PAN3: variants seen among roughly 807,000 people sequenced by gnomAD.
PAN3 encodes the protein PAN2-PAN3 deadenylation complex subunit PAN3.
A neutral mutation model predicts 96.2 loss-of-function variants in PAN3; 19 were observed. The observed-to-expected ratio is 0.20, with a 90% confidence interval of 0.14 to 0.29. PAN3 has a LOEUF of 0.29. Among genes scored for constraint, PAN3 ranks in the 10% least tolerant of loss-of-function variants. PAN3 has a pLI of 1.00. For synonymous variants in PAN3, 433 were observed against 406.6 expected, an observed-to-expected ratio of 1.06 and a Z score of -0.78; for missense variants, 882 against 1,108.1, an observed-to-expected ratio of 0.80 and a Z score of 2.90.
chr13:28,183,189 A>G (rs985014387), intron 4 of PAN3, among the ~76,000 whole-genome samples: 17 of 152,224 alleles, frequency 1.1e-4, no homozygotes, highest in African/African-American at 4.1e-4. Context: ...TGGAGAAGAC[A>G]TTGAAAAATA....
At chr13:28,230,787 T>TTGAG (rs10645704) in intron 6 of PAN3, among the ~76,000 whole-genome samples, 59,491 of 151,718 alleles carry the variant, frequency 0.39, 13,188 homozygotes, top group African/African-American at 0.62. Flanking sequence ...ACTCTTGTCT[T>TTGAG]TAAGTTTCTT....
At chr13:28,179,530 C>G (rs1875487345) in intron 4 of PAN3, among the ~76,000 whole-genome samples, 1 of 152,024 alleles carries the variant, frequency 6.6e-6, no homozygotes, top group Non-Finnish European at 1.5e-5. Context: ...GTATGTATAA[C>G]ATACCAAGAC....
chr13:28,243,571 A>G (rs188474119), intron 6 of PAN3, among the ~76,000 whole-genome samples: 116 of 152,316 alleles, frequency 7.6e-4, no homozygotes, highest in African/African-American at 2.6e-3. Context: ...GGCAGTGTTT[A>G]TATTCCACAC....
intron 1 of PAN3, among the ~76,000 whole-genome samples, chr13:28,155,735 A>G (rs537657095): frequency 6.6e-6 from 1 of 152,338 alleles, no homozygotes; most frequent in East Asian, 1.9e-4. Context: ...ACACACACAT[A>G]TACATAAAAT....
chr13:28,140,726 T>C (rs967850602), intron 1 of PAN3, among the ~76,000 whole-genome samples: 2 of 152,078 alleles, frequency 1.3e-5, no homozygotes, highest in African/African-American at 4.8e-5. Flanking sequence ...CTCTTCTTTC[T>C]TTTTCTTTTA....
rs554526780 is a variant in PAN3 at position 28,151,953 on chromosome 13, A to G, written c.430+12866A>G. Among the ~76,000 whole-genome samples the G allele has an allele frequency of 1.4e-4, 21 of 152,330 alleles. 1 individual carries two copies. The South Asian group carries it at 3.9e-3, about 29-fold the overall frequency. ...ATGATAAACTTCAAGTCTTCAGTGT[A>G]TACTTGGCATTTAAAATCATGGAAC... On this transcript the variant is annotated intron_variant, in intron 1 of 18. Coordinates refer to ENST00000380958, the MANE Select transcript of PAN3 (RefSeq NM_175854.8).
chr13:28,280,665 G>C, intron 16 of PAN3, 124 bp downstream of exon 16: 1 of 855,370 alleles, frequency 1.2e-6, no homozygotes, highest in Non-Finnish European at 1.7e-6. Context: ...GGGTTCAAGC[G>C]AGTCTCCTGC....
chr13:28,280,563 T>TTA, intron 16 of PAN3, 22 bp downstream of exon 16: 1 of 1,542,294 alleles, frequency 6.5e-7, no homozygotes, highest in Non-Finnish European at 8.7e-7. Context: ...AAATTTTTTT[T>TTA]TTTTTTTTTT....
intron 6 of PAN3, among the ~76,000 whole-genome samples, chr13:28,254,416 T>C (rs17534105): frequency 0.056 from 8,503 of 152,292 alleles, 307 homozygotes; most frequent in South Asian, 0.15. Flanking sequence ...ATTGTAGTTC[T>C]GTTGTATTAC....
At chr13:28,274,659 AT>A (rs1886916378) in intron 14 of PAN3, among the ~76,000 whole-genome samples, 1 of 152,160 alleles carries the variant, frequency 6.6e-6, no homozygotes, top group South Asian at 2.1e-4. Flanking sequence ...CCTTATTAAT[AT>A]TTGTAAGTCA....
At chr13:28,146,461 T>C (rs995824456) in intron 1 of PAN3, among the ~76,000 whole-genome samples, 3 of 151,992 alleles carry the variant, frequency 2.0e-5, no homozygotes, top group Non-Finnish European at 4.4e-5. Flanking sequence ...TCTCAGACTT[T>C]CAGAGGTTGG....
chr13:28,223,018 T>G (rs1389218995), intron 6 of PAN3, among the ~76,000 whole-genome samples: 1 of 152,204 alleles, frequency 6.6e-6, no homozygotes, highest in African/African-American at 2.4e-5. Flanking sequence ...TGTCCCAATA[T>G]TTGAGCAAAG....
chr13:28,204,267 A>G (rs992413633), intron 5 of PAN3, among the ~76,000 whole-genome samples: 3 of 152,206 alleles, frequency 2.0e-5, no homozygotes, highest in African/African-American at 4.8e-5. Context: ...ATGTTTACCT[A>G]TCACTGGATG....
At chr13:28,139,506 GGGTGTGTT>G (rs1343378080) in intron 1 of PAN3, among the ~76,000 whole-genome samples, 2 of 137,796 alleles carry the variant, frequency 1.5e-5, no homozygotes, top group African/African-American at 5.9e-5. Context: ...TAGTGGGGAG[GGGTGTGTT>G]TGTGTGTGTG....
chr13:28,148,178 A>T (rs1870921110), intron 1 of PAN3, among the ~76,000 whole-genome samples: 1 of 151,576 alleles, frequency 6.6e-6, no homozygotes, highest in South Asian at 2.1e-4. Flanking sequence ...CTGTTCTCTA[A>T]CTCCTGGGCT....
rs767841562 is a variant in PAN3 at position 28,177,957 on chromosome 13, A to G, written c.690+22A>G. On this transcript the variant is annotated intron_variant, in intron 4 of 18. Coordinates refer to ENST00000380958, the MANE Select transcript of PAN3 (RefSeq NM_175854.8). Reference sequence around the variant, plus strand: ...AAAGGTAGGTGAAATTGAAACTTGAATTAAACTAAATGGAATTTAGAAGTG... The same window carrying G: ...AAAGGTAGGTGAAATTGAAACTTGAGTTAAACTAAATGGAATTTAGAAGTG... 4 of 1,571,904 alleles carry G rather than the reference A, an allele frequency of 2.5e-6. No homozygotes were observed. The African/African-American group carries it at 5.4e-5, about 21-fold the overall frequency.
At chr13:28,292,289 A>G (rs1869851614) in intron 18 of PAN3, 93 bp from the exon 19 acceptor site, 4 of 1,306,404 alleles carry the variant, frequency 3.1e-6, no homozygotes, top group Middle Eastern at 2.8e-4. Flanking sequence ...GTGACAAAAA[A>G]AATTTAGATA....
intron 5 of PAN3, among the ~76,000 whole-genome samples, chr13:28,202,453 C>G (rs1878841963): frequency 6.6e-6 from 1 of 152,082 alleles, no homozygotes; most frequent in South Asian, 2.1e-4. Flanking sequence ...GAGTTTATCT[C>G]TTCATATCCA....
At position 28,248,096 on chromosome 13, in the gene PAN3, T is replaced by C. The variant is rs377690502; in HGVS notation, c.1001-8196T>C. 5.9e-5 allele frequency among the ~76,000 whole-genome samples: 9 copies of C among 152,302 alleles called. No homozygotes were observed. In the South Asian group the frequency reaches 1.9e-3, roughly 32 times the overall value. ...TTTGTGTCCTCTTCAGTTTCTTTCA[T>C]CAGTGTTTTATAGTTTTGCTTGTAG... is the stretch of plus-strand genomic sequence containing the variant. On this transcript the variant is annotated intron_variant, in intron 6 of 18. Transcript: ENST00000380958.
Sources: allele counts gnomAD v4.1 joint callset (sites outside exome capture counted in the v4.1 genomes callset), GRCh38; gene constraint gnomAD v4.1.1; transcripts MANE v1.5; gene names NCBI Gene and HGNC (gene_info 2026-07-23, HGNC 2026-07-21).